PARP2: variants seen among roughly 807,000 people sequenced by gnomAD.
The protein encoded by PARP2 is poly [ADP-ribose] polymerase 2.
Under a neutral mutation model 77.8 loss-of-function variants are expected in PARP2, and 57 were observed. That is an observed-to-expected ratio of 0.73 (90% CI 0.59 to 0.91). PARP2 has a LOEUF of 0.91. Ranked by LOEUF, PARP2 falls within the 40% of genes least tolerant of loss-of-function variation. PARP2 has a pLI of 0.00. For synonymous variants in PARP2, 226 were observed against 242.6 expected, an observed-to-expected ratio of 0.93 and a Z score of 0.64; for missense variants, 651 against 689.0, an observed-to-expected ratio of 0.94 and a Z score of 0.62.
At chr14:20,351,400 A>G (rs1883949713) in intron 6 of PARP2, among the ~76,000 whole-genome samples, 1 of 152,164 alleles carries the variant, frequency 6.6e-6, no homozygotes, top group Admixed American at 6.5e-5. Flanking sequence ...GCTGGTCTCG[A>G]ACCCCTGACC....
rs1377880749 is a variant in PARP2 at position 20,350,555 on chromosome 14, C to A, written c.354C>A (p.Tyr118Ter). 1 of 1,609,658 alleles carries A rather than the reference C, an allele frequency of 6.2e-7. No homozygotes were observed. The highest frequency in any genetic ancestry group is 1.3e-5 in the African/African-American group (1 of 74,960). The part of the protein sequence containing the change: ...QTNLQFNNNK[Y>*]YLIQLLEDDA... ...ATCTCCAGTTCAACAACAACAAGTA[C>A]TATCTGATTCAGCTATTAGAAGATG... The change falls in exon 5 of 16, where the codon TAC (tyrosine) becomes TAA (stop). Residue 118 changes from tyrosine (Y) to a stop codon, truncating the protein, a stop_gained. Transcript: ENST00000429687. LOFTEE classifies it high-confidence loss of function.
At chr14:20,351,217 TGCCCAG>T (rs1736207283) in intron 6 of PARP2, 95 bp downstream of exon 6, 5 of 803,052 alleles carry the variant, frequency 6.2e-6, no homozygotes, top group Non-Finnish European at 1.0e-5. Context: ...TCACTCTTGT[TGCCCAG>T]GCTGGAGTGC....
At chr14:20,356,989 T>C in intron 13 of PARP2, 62 bp from the exon 14 acceptor site, 1 of 1,012,928 alleles carries the variant, frequency 9.9e-7, no homozygotes, top group South Asian at 1.3e-5. Flanking sequence ...GTCAGTGGTA[T>C]GCACCTTCTC....
chr14:20,354,018 G>T, intron 7 of PARP2, 67 bp from the exon 8 acceptor site: 1 of 1,199,504 alleles, frequency 8.3e-7, no homozygotes. Flanking sequence ...GTATAATATT[G>T]GGTGTTATAA....
At chr14:20,355,561 G>T in intron 9 of PARP2, 191 bp from the exon 10 acceptor site, 1 of 438,872 alleles carries the variant, frequency 2.3e-6, no homozygotes, top group Non-Finnish European at 4.0e-6. Context: ...ATCTTATACC[G>T]AGTATATATT....
At chr14:20,344,818 A>C (rs1008843745) in intron 1 of PARP2, 114 bp from the exon 2 acceptor site, 15 of 806,086 alleles carry the variant, frequency 1.9e-5, no homozygotes, top group Non-Finnish European at 3.0e-5. Context: ...ACCTCAAAAC[A>C]AAAAAAGAGA....
At chr14:20,347,008 C>A in intron 4 of PARP2, 95 bp downstream of exon 4, 1 of 694,860 alleles carries the variant, frequency 1.4e-6, no homozygotes, top group Admixed American at 2.7e-5. Flanking sequence ...TCTTTAAAGT[C>A]CCTTTTTTTT....
At chr14:20,343,740 G>C in intron 1 of PARP2, 53 bp downstream of exon 1, 2 of 1,569,186 alleles carry the variant, frequency 1.3e-6, no homozygotes, top group Non-Finnish European at 1.7e-6. Context: ...AGTCAGAAAG[G>C]AACGATGCCA....
chr14:20,346,111 T>C (rs1594295408), intron 3 of PARP2, among the ~76,000 whole-genome samples: 4 of 152,148 alleles, frequency 2.6e-5, no homozygotes, highest in Admixed American at 2.0e-4. Flanking sequence ...GAGACAAATA[T>C]ACAAACTATA....
intron 11 of PARP2, 119 bp from the exon 12 acceptor site, chr14:20,356,188 C>A: frequency 1.4e-6 from 2 of 1,417,444 alleles, no homozygotes; most frequent in Non-Finnish European, 1.9e-6. Context: ...TCCTAGCTGC[C>A]TTGTAAGACT....
rs376271134 is a variant in PARP2, at chr14:20,352,196, C to T, written c.498-49C>T. ...ATTTTCTGTCTTGTAAGTCCATCTT[C>T]ATAGTAGACCTTTATTTGTAAAGTT... On this transcript the variant is annotated intron_variant, in intron 6 of 15. Coordinates refer to ENST00000429687, the MANE Select transcript of PARP2 (RefSeq NM_001042618.2). 1.0e-5 allele frequency: 10 copies of T among 992,926 alleles called. No individual in the cohort carries two copies. In the African/African-American group the frequency reaches 1.3e-4, roughly 13 times the overall value. The allele number at this position is 992,926 out of a possible 1,614,324, so 61.5% of individuals were successfully genotyped here. A position where few individuals can be genotyped will look rare whatever the true frequency, so the allele number is the denominator to read the frequency against.
intron 1 of PARP2, 73 bp downstream of exon 1, chr14:20,343,760 A>AC: frequency 6.8e-7 from 1 of 1,473,236 alleles, no homozygotes; most frequent in South Asian, 1.2e-5. Flanking sequence ...ACCTACTGTG[A>AC]CCCCCTTCCC....
At chr14:20,356,480 G>A (rs1884156736) in intron 12 of PARP2, 46 bp downstream of exon 12, 4 of 1,613,410 alleles carry the variant, frequency 2.5e-6, no homozygotes, top group South Asian at 1.1e-5. Context: ...TTGCCCGAAA[G>A]TACAGCTGTA....
Position 20,357,821 on chromosome 14 carries a change from G to T in PARP2, c.*24G>T, listed in dbSNP as rs189651625. ...GAATGTTGATATTAAATAAACCAGA[G>T]ATCTGATCTTCAAGCAAGAAAATAA... On this transcript the variant is annotated 3_prime_UTR_variant, in exon 16 of 16. Coordinates refer to ENST00000429687, the MANE Select transcript of PARP2 (RefSeq NM_001042618.2). 36 of 1,596,776 alleles carry T rather than the reference G, an allele frequency of 2.3e-5. No individual in the cohort carries two copies. In the African/African-American group the frequency reaches 4.3e-4, roughly 19 times the overall value.
Position 20,357,650 on chromosome 14 carries a change from A to T in PARP2, c.1566A>T (p.Thr522=), listed in dbSNP as rs766542391. The change falls in exon 16 of 16, where the codon ACA becomes ACT. Residue 522 remains threonine, a synonymous_variant. Transcript: ENST00000429687. ...TTCCATTTGGCAGGAATGGGAGTAC[A>T]GTGCCATTAGGACCAGCAAGTGACA... is the stretch of plus-strand genomic sequence containing the variant. The part of the protein sequence containing the change: ...SAHFVTLNGS[T]VPLGPASDTG... 1 of 1,612,646 alleles carries T rather than the reference A, an allele frequency of 6.2e-7. No individual in the cohort carries two copies. Among genetic ancestry groups the T allele is most frequent in the South Asian group, 1.1e-5 (1 of 90,682 alleles).
chr14:20,343,773 T>C (rs1051657956), intron 1 of PARP2, 86 bp downstream of exon 1: 195 of 1,410,496 alleles, frequency 1.4e-4, no homozygotes, highest in Non-Finnish European at 1.8e-4. Context: ...CCCTTCCCCT[T>C]CCAGCTCCCT....
At chr14:20,349,475 C>T (rs1883882660) in intron 4 of PARP2, among the ~76,000 whole-genome samples, 1 of 151,818 alleles carries the variant, frequency 6.6e-6, no homozygotes, top group Admixed American at 6.6e-5. Context: ...TCAAGACCAG[C>T]CTTGCCAACA....
rs754797447 is a variant in PARP2, at chr14:20,343,661, G to C, written c.20G>C (p.Arg7Pro). 1.9e-5 allele frequency: 31 copies of C among 1,610,804 alleles called. 1 individual carries two copies. The South Asian group carries it at 3.2e-4, about 17-fold the overall frequency. Residue 7 changes from arginine to proline, a missense_variant, in exon 1 of 16, where the codon CGG becomes CCG. Coordinates refer to ENST00000429687, the MANE Select transcript of PARP2 (RefSeq NM_001042618.2). MAARRR[R>P]STGGGRARAL... ...AATTCCATGGCGGCGCGGCGGCGAC[G>C]GAGCACCGGCGGCGGCAGGGCGAGA...
Position 20,357,085 on chromosome 14 carries a change from C to A in PARP2, c.1364C>A (p.Ser455Tyr). ...GGAATCTACTTTGCTGACATGTCTTCCAAGAGTGCCAATTACTGCTTTGCC... is the reference window on the plus strand; with the variant it reads ...GGAATCTACTTTGCTGACATGTCTTACAAGAGTGCCAATTACTGCTTTGCC... The part of the protein sequence containing the change: ...GKGIYFADMS[S>Y]KSANYCFASR... Residue 455 changes from serine to tyrosine, a missense_variant, in exon 14 of 16, where the codon TCC becomes TAC. By Grantham distance (144) the Ser-to-Tyr change is moderately radical. Transcript: ENST00000429687. The A allele has an allele frequency of 6.2e-7, 1 of 1,613,034 alleles. No individual in the cohort carries two copies. The highest frequency in any genetic ancestry group is 8.5e-7 in the Non-Finnish European group (1 of 1,179,008).
Sources: gnomAD v4.1 joint callset for allele counts (sites outside exome capture counted in the v4.1 genomes callset) on GRCh38, gnomAD v4.1.1 for gene constraint, MANE v1.5 for transcripts, NCBI Gene and HGNC (gene_info 2026-07-23, HGNC 2026-07-21) for gene names.